LRP1B: variants seen among roughly 807,000 people sequenced by gnomAD.
LRP1B encodes the protein low-density lipoprotein receptor-related protein 1B.
Under a neutral mutation model 556.6 loss-of-function variants are expected in LRP1B, and 217 were observed. That is an observed-to-expected ratio of 0.39 (90% CI 0.35 to 0.44). LRP1B has a LOEUF of 0.44. Ranked by LOEUF, LRP1B falls within the 20% of genes least tolerant of loss-of-function variation. The pLI, the probability that LRP1B is intolerant of heterozygous loss-of-function variation, is 1.00. For missense variants in LRP1B, 5,053 were observed against 5,620.8 expected, an observed-to-expected ratio of 0.90 and a Z score of 3.23; for synonymous variants, 2,047 against 1,865.8, an observed-to-expected ratio of 1.10 and a Z score of -2.50.
chr2:141,069,681 C>T (rs1394916488), intron 7 of LRP1B, among the ~76,000 whole-genome samples: 1 of 152,052 alleles, frequency 6.6e-6, no homozygotes, highest in African/African-American at 2.4e-5. Flanking sequence ...TAAAAGGTAA[C>T]GACACACTGA....
chr2:140,340,005 A>T (rs1681292063), intron 77 of LRP1B, among the ~76,000 whole-genome samples: 2 of 151,566 alleles, frequency 1.3e-5, no homozygotes, highest in Admixed American at 6.6e-5. Flanking sequence ...CTTCAGACAT[A>T]ATTCTCAGTT....
chr2:140,906,110 G>T (rs1436891850), intron 22 of LRP1B, among the ~76,000 whole-genome samples: 3 of 152,206 alleles, frequency 2.0e-5, no homozygotes, highest in African/African-American at 7.2e-5. Context: ...CTTCACCTCT[G>T]AAAGAGTGCG....
intron 84 of LRP1B, among the ~76,000 whole-genome samples, chr2:140,279,332 G>A (rs1024793676): frequency 2.6e-5 from 4 of 152,094 alleles, no homozygotes; most frequent in Admixed American, 6.6e-5. Flanking sequence ...GAAAGAGTTT[G>A]AAACATCTGA....
chr2:141,387,867 T>C (rs1353802948), intron 3 of LRP1B, among the ~76,000 whole-genome samples: 1 of 152,046 alleles, frequency 6.6e-6, no homozygotes, highest in Non-Finnish European at 1.5e-5. Context: ...GAAAACTGCA[T>C]ACCAATATCC....
intron 1 of LRP1B, among the ~76,000 whole-genome samples, chr2:142,036,200 A>C (rs942328999): frequency 2.0e-5 from 3 of 151,624 alleles, no homozygotes; most frequent in Non-Finnish European, 4.4e-5. Flanking sequence ...AGACTTCATC[A>C]TTTGTTATTT....
At chr2:141,269,302 T>C (rs960402133) in intron 3 of LRP1B, among the ~76,000 whole-genome samples, 4 of 152,176 alleles carry the variant, frequency 2.6e-5, no homozygotes, top group African/African-American at 9.7e-5. Context: ...GGAACCACTG[T>C]GGGTTTAGAA....
intron 7 of LRP1B, among the ~76,000 whole-genome samples, chr2:141,154,255 C>T (rs1248744397): frequency 6.6e-6 from 1 of 151,850 alleles, no homozygotes; most frequent in African/African-American, 2.4e-5. Flanking sequence ...AAACATCTCA[C>T]ATCTTGAATT....
chr2:141,756,701 C>T (rs1450561864), intron 2 of LRP1B, among the ~76,000 whole-genome samples: 1 of 151,976 alleles, frequency 6.6e-6, no homozygotes, highest in Non-Finnish European at 1.5e-5. Flanking sequence ...TTCCCATACA[C>T]AAATACTTAC....
intron 3 of LRP1B, among the ~76,000 whole-genome samples, chr2:141,290,822 T>C (rs1337157730): frequency 6.6e-6 from 1 of 152,118 alleles, no homozygotes; most frequent in Non-Finnish European, 1.5e-5. Flanking sequence ...TAGCTGGTGA[T>C]TAATTTCTAA....
intron 23 of LRP1B, among the ~76,000 whole-genome samples, chr2:140,891,523 A>C (rs927942210): frequency 6.6e-6 from 1 of 152,100 alleles, no homozygotes; most frequent in Non-Finnish European, 1.5e-5. Context: ...TTATGTTCTT[A>C]CATTTAGGAA....
chr2:141,905,094 T>C (rs2104940855), intron 1 of LRP1B, among the ~76,000 whole-genome samples: 1 of 151,992 alleles, frequency 6.6e-6, no homozygotes, highest in East Asian at 1.9e-4. Context: ...AAAGGGTGCA[T>C]TGTTTTTCTT....
At chr2:140,277,436 A>T (rs1682722672) in intron 84 of LRP1B, among the ~76,000 whole-genome samples, 1 of 151,802 alleles carries the variant, frequency 6.6e-6, no homozygotes, top group African/African-American at 2.4e-5. Context: ...AAATACAAAA[A>T]ATTAGCTGGA....
chr2:140,916,242 A>T (rs1210066839), intron 21 of LRP1B, among the ~76,000 whole-genome samples: 1 of 152,162 alleles, frequency 6.6e-6, no homozygotes, highest in Non-Finnish European at 1.5e-5. Flanking sequence ...TTCATATATA[A>T]CCCATCATAT....
intron 7 of LRP1B, among the ~76,000 whole-genome samples, chr2:141,122,714 T>G (rs183768083): frequency 9.1e-4 from 138 of 152,250 alleles, no homozygotes; most frequent in African/African-American, 3.3e-3. Context: ...GATCTAGAAC[T>G]AGAAATACCA....
At chr2:142,039,471 G>A (rs1393670400) in intron 1 of LRP1B, among the ~76,000 whole-genome samples, 6 of 304 alleles carry the variant, frequency 0.02, no homozygotes, top group Non-Finnish European at 0.034. Flanking sequence ...GTTCTGGTCC[G>A]AAAACAGAAA....
At chr2:140,244,553 C>T (rs1294334601) in intron 87 of LRP1B, among the ~76,000 whole-genome samples, 1 of 151,090 alleles carries the variant, frequency 6.6e-6, no homozygotes, top group African/African-American at 2.4e-5. Context: ...TAAAACTCTT[C>T]AAAATATCTT....
intron 18 of LRP1B, among the ~76,000 whole-genome samples, chr2:140,967,542 G>A (rs1337266166): frequency 6.6e-6 from 1 of 152,008 alleles, no homozygotes; most frequent in Non-Finnish European, 1.5e-5. Context: ...TCTTTCTCCT[G>A]CCTGATTGCC....
rs1029035674 is a variant in LRP1B, at chr2:141,730,942, C to T, written c.205+79337G>A. Among the ~76,000 whole-genome samples the T allele has an allele frequency of 2.5e-4, 38 of 152,236 alleles. 1 individual carries two copies. The highest frequency in any genetic ancestry group is 8.3e-4 in the South Asian group (4 of 4,828). ...ATACTCCTAAAGGGGCCAGTCTTTA[C>T]GTTATCATCTAATAGCCAATCCGGA... On this transcript the variant is annotated intron_variant, in intron 2 of 90. Transcript: ENST00000389484.
chr2:142,059,505 C>A lies in LRP1B; in HGVS notation c.82+71143G>T, dbSNP rs1042454188. Among the ~76,000 whole-genome samples, 4 of 151,118 alleles carry A rather than the reference C, an allele frequency of 2.6e-5. No individual in the cohort carries two copies. The South Asian group carries it at 8.3e-4, about 32-fold the overall frequency. On this transcript the variant is annotated intron_variant, in intron 1 of 90. Coordinates refer to ENST00000389484, the MANE Select transcript of LRP1B (RefSeq NM_018557.3). ...ACGGAGGGAATCTATGAAGTTGCAA[C>A]CCTTACCTAATCCTGCAAAAGAACC...
Sources: gnomAD v4.1 joint callset for allele counts (sites outside exome capture counted in the v4.1 genomes callset) on GRCh38, gnomAD v4.1.1 for gene constraint, MANE v1.5 for transcripts, NCBI Gene and HGNC (gene_info 2026-07-23, HGNC 2026-07-21) for gene names.